The following TRHDE variants were observed in gnomAD, a reference collection of about 807,000 sequenced individuals.
TRHDE encodes thyrotropin-releasing hormone-degrading ectoenzyme.
In TRHDE, 72 loss-of-function variants were observed where a neutral mutation model predicts 125.7. The ratio of observed to expected loss-of-function variants is 0.57; its 90% confidence interval spans 0.47 to 0.70. TRHDE has a LOEUF of 0.70. TRHDE is among the 30% of genes least tolerant of loss of function. TRHDE has a pLI of 0.00. For missense variants in TRHDE, 1,110 were observed against 1,327.1 expected, an observed-to-expected ratio of 0.84 and a Z score of 2.54; for synonymous variants, 509 against 509.1, an observed-to-expected ratio of 1.00 and a Z score of 0.00.
chr12:72,120,136 C>T (rs1875543419), intron 2 of TRHDE, among the ~76,000 whole-genome samples: 1 of 151,892 alleles, frequency 6.6e-6, no homozygotes, highest in South Asian at 2.1e-4. Context: ...CTGCAATCCC[C>T]ACCTCCTGGG....
chr12:72,356,928 T>A (rs948005196), intron 2 of TRHDE, among the ~76,000 whole-genome samples: 1 of 151,508 alleles, frequency 6.6e-6, no homozygotes, highest in African/African-American at 2.4e-5. Context: ...TAAGAAAATA[T>A]CTATATTTTC....
intron 12 of TRHDE, among the ~76,000 whole-genome samples, chr12:72,607,111 TA>T (rs1157398785): frequency 6.6e-6 from 1 of 152,020 alleles, no homozygotes; most frequent in Non-Finnish European, 1.5e-5. Context: ...TCATTTTAAT[TA>T]AAAAAAATTT....
At chr12:72,401,953 T>C (rs184833740) in intron 3 of TRHDE, among the ~76,000 whole-genome samples, 3 of 152,336 alleles carry the variant, frequency 2.0e-5, no homozygotes, top group African/African-American at 7.2e-5. Context: ...ACTGATTTTC[T>C]TGATGGTATT....
intron 3 of TRHDE, among the ~76,000 whole-genome samples, chr12:72,428,444 C>G (rs1874282322): frequency 6.6e-6 from 1 of 151,988 alleles, no homozygotes; most frequent in African/African-American, 2.4e-5. Context: ...AGGCTTTTGT[C>G]AATTATGGAT....
At position 72,200,367 on chromosome 12, in the gene TRHDE, C is replaced by T. The variant is rs564399949; in HGVS notation, n.279+94615C>T. ...TTCAAACCTCAGTTTATTTAAGGAA[C>T]GTGAAGTCTATCATAAGAGGGCTCC... On this transcript the variant is annotated intron_variant and non_coding_transcript_variant, in intron 2 of 4. Coordinates refer to the TRHDE transcript ENST00000548156. 8.5e-5 allele frequency among the ~76,000 whole-genome samples: 13 copies of T among 152,172 alleles called. No individual in the cohort carries two copies. The South Asian group carries it at 2.1e-3, about 24-fold the overall frequency.
chr12:72,367,667 T>G (rs1415863192), intron 2 of TRHDE, among the ~76,000 whole-genome samples: 2 of 152,204 alleles, frequency 1.3e-5, no homozygotes, highest in Non-Finnish European at 2.9e-5. Context: ...TCTGTTTTCC[T>G]GATTTGTAGG....
At chr12:72,651,974 G>A (rs888440290) in intron 15 of TRHDE, among the ~76,000 whole-genome samples, 1 of 151,888 alleles carries the variant, frequency 6.6e-6, no homozygotes, top group Non-Finnish European at 1.5e-5. Flanking sequence ...CCAATTATGA[G>A]AGCAAAATCT....
rs957213709 is a variant in TRHDE at position 72,345,052 on chromosome 12, G to A, written c.1189-32943G>A. 5.3e-5 allele frequency among the ~76,000 whole-genome samples: 8 copies of A among 152,072 alleles called. No individual in the cohort carries two copies. In the East Asian group the frequency reaches 1.6e-3, roughly 29 times the overall value. Reference sequence around the variant, plus strand: ...TTGATATGTTTATTTATGTTGATGAGCAAGTGAAAGTGAAACAAGCAAATA... The same window carrying A: ...TTGATATGTTTATTTATGTTGATGAACAAGTGAAAGTGAAACAAGCAAATA... On this transcript the variant is annotated intron_variant, in intron 2 of 18. Coordinates refer to ENST00000261180, the MANE Select transcript of TRHDE (RefSeq NM_013381.3).
intron 6 of TRHDE, among the ~76,000 whole-genome samples, chr12:72,514,199 A>G (rs1308079149): frequency 6.6e-6 from 1 of 152,154 alleles, no homozygotes; most frequent in African/African-American, 2.4e-5. Flanking sequence ...AATCTCAAGG[A>G]AAAAAACCAA....
chr12:72,490,756 T>TA (rs538829137), intron 5 of TRHDE, among the ~76,000 whole-genome samples: 28,929 of 116,026 alleles, frequency 0.25, 3,197 homozygotes, highest in African/African-American at 0.32. Context: ...GTGGAATCTG[T>TA]AAAAAAAAAA....
At chr12:72,270,157 T>A (rs1039950180), upstream of TRHDE, among the ~76,000 whole-genome samples, 2 of 152,136 alleles carry the variant, frequency 1.3e-5, no homozygotes, top group African/African-American at 4.8e-5. Context: ...CCTCAACTCT[T>A]AAAATGCATA....
intron 2 of TRHDE, among the ~76,000 whole-genome samples, chr12:72,370,383 T>C (rs751269100): frequency 2.6e-5 from 4 of 152,174 alleles, no homozygotes; most frequent in Non-Finnish European, 5.9e-5. Flanking sequence ...TAATCCATCA[T>C]CTTCACTGCA....
At chr12:72,547,453 T>G (rs1368305044) in intron 7 of TRHDE, among the ~76,000 whole-genome samples, 3 of 151,798 alleles carry the variant, frequency 2.0e-5, no homozygotes, top group African/African-American at 7.2e-5. Context: ...TATATAAAAT[T>G]TGTAAATTTC....
intron 2 of TRHDE, among the ~76,000 whole-genome samples, chr12:72,149,201 A>T (rs1044255453): frequency 1.3e-5 from 2 of 152,112 alleles, no homozygotes. Flanking sequence ...TTTTCTCCAA[A>T]CTGTAATTTG....
At chr12:72,202,063 C>T (rs1171709173) in intron 2 of TRHDE, among the ~76,000 whole-genome samples, 1 of 152,198 alleles carries the variant, frequency 6.6e-6, no homozygotes, top group African/African-American at 2.4e-5. Context: ...TCTCTTTCGG[C>T]AAGAACCTAT....
chr12:72,450,438 C>T (rs1875514725), intron 3 of TRHDE, among the ~76,000 whole-genome samples: 1 of 151,966 alleles, frequency 6.6e-6, no homozygotes, highest in African/African-American at 2.4e-5. Context: ...AATTGTATAT[C>T]CTTAACATGT....
chr12:72,132,482 A>T (rs961967463), intron 2 of TRHDE, among the ~76,000 whole-genome samples: 18 of 152,340 alleles, frequency 1.2e-4, no homozygotes, highest in Non-Finnish European at 2.2e-4. Flanking sequence ...CAGCCTCAAG[A>T]TACAAGCAGT....
intron 12 of TRHDE, among the ~76,000 whole-genome samples, chr12:72,616,246 T>A: frequency 6.6e-6 from 1 of 152,148 alleles, no homozygotes; most frequent in Non-Finnish European, 1.5e-5. Context: ...CCTAGATCCA[T>A]GTCCTGCCTC....
chr12:72,246,515 T>C (rs1425754571), intron 2 of TRHDE, among the ~76,000 whole-genome samples: 2 of 152,154 alleles, frequency 1.3e-5, no homozygotes, highest in Admixed American at 1.3e-4. Flanking sequence ...ACTTTTCTAT[T>C]TTTGTCTTTA....
Sources: gnomAD v4.1 joint callset for allele counts (sites outside exome capture counted in the v4.1 genomes callset) on GRCh38, gnomAD v4.1.1 for gene constraint, MANE v1.5 for transcripts, NCBI Gene and HGNC (gene_info 2026-07-23, HGNC 2026-07-21) for gene names.